RSRC1: variants seen among roughly 807,000 people sequenced by gnomAD.
RSRC1 encodes serine/Arginine-related protein 53.
In RSRC1, 39 loss-of-function variants were observed where a neutral mutation model predicts 49.1. The ratio of observed to expected loss-of-function variants is 0.79; its 90% CI spans 0.61 to 1.04. RSRC1 has a LOEUF of 1.04. RSRC1 is among the 50% of genes least tolerant of loss of function. The pLI, the probability that RSRC1 is intolerant of heterozygous loss-of-function variation, is 0.00. For missense variants in RSRC1, 388 were observed against 402.4 expected (o/e 0.96, Z 0.31); for synonymous variants, 143 against 130.8 (o/e 1.09, Z -0.63).
chr3:158,363,173 A>G (rs1365349997), intron 6 of RSRC1, among the ~76,000 whole-genome samples: 2 of 152,186 alleles, frequency 1.3e-5, no homozygotes, highest in Admixed American at 1.3e-4. Flanking sequence ...AAGTATTCTG[A>G]AAGCTTAAAT....
intron 2 of RSRC1, 21 bp downstream of exon 2, chr3:158,122,319 T>A (rs1715312318): frequency 6.8e-7 from 1 of 1,469,316 alleles, no homozygotes; most frequent in Non-Finnish European, 9.2e-7. Flanking sequence ...TAATTTTTAT[T>A]TATATAGTAA....
At chr3:158,356,080 A>C (rs756380714) in intron 6 of RSRC1, among the ~76,000 whole-genome samples, 4 of 152,020 alleles carry the variant, frequency 2.6e-5, no homozygotes, top group Non-Finnish European at 5.9e-5. Flanking sequence ...AATATCTTGT[A>C]CTGTAATCAC....
intron 4 of RSRC1, among the ~76,000 whole-genome samples, chr3:158,234,421 A>G (rs1724677): frequency 0.61 from 93,336 of 151,978 alleles, 29,035 homozygotes; most frequent in East Asian, 0.73. Context: ...TATATAAAAA[A>G]CATTATTTAG....
At chr3:158,244,945 G>A (rs1010384596) in intron 4 of RSRC1, among the ~76,000 whole-genome samples, 1 of 146,112 alleles carries the variant, frequency 6.8e-6, no homozygotes, top group African/African-American at 2.5e-5. Flanking sequence ...ATGGTTGGTT[G>A]TATCTATTTT....
intron 4 of RSRC1, among the ~76,000 whole-genome samples, chr3:158,293,976 T>C (rs1272032970): frequency 2.6e-5 from 4 of 152,106 alleles, no homozygotes; most frequent in South Asian, 2.1e-4. Context: ...CATTATAGTC[T>C]TAAATGTCCG....
intron 6 of RSRC1, among the ~76,000 whole-genome samples, chr3:158,355,175 A>G (rs1014758880): frequency 3.3e-5 from 5 of 151,856 alleles, no homozygotes; most frequent in Admixed American, 6.6e-5. Context: ...ATGAAGCCCA[A>G]TTGATTAATT....
chr3:158,124,677 C>T (rs1715501597), intron 3 of RSRC1, among the ~76,000 whole-genome samples: 1 of 152,082 alleles, frequency 6.6e-6, no homozygotes, highest in South Asian at 2.1e-4. Flanking sequence ...AATTTATCCA[C>T]TTTTTCTAGG....
intron 5 of RSRC1, among the ~76,000 whole-genome samples, chr3:158,352,770 G>T (rs1384750007): frequency 6.6e-6 from 1 of 152,152 alleles, no homozygotes; most frequent in Non-Finnish European, 1.5e-5. Context: ...TTGGTGCTGG[G>T]TGTCAGCTGC....
At chr3:158,472,372 A>G (rs1738174197) in intron 7 of RSRC1, among the ~76,000 whole-genome samples, 2 of 152,212 alleles carry the variant, frequency 1.3e-5, no homozygotes, top group Non-Finnish European at 2.9e-5. Flanking sequence ...AATACAAAAC[A>G]TACAAGAGGT....
At chr3:158,387,770 T>C (rs994359547) in intron 6 of RSRC1, among the ~76,000 whole-genome samples, 3 of 152,190 alleles carry the variant, frequency 2.0e-5, no homozygotes, top group African/African-American at 7.2e-5. Flanking sequence ...TTTTTCCTTC[T>C]TGTATCATTA....
Position 158,122,176 on chromosome 3 carries a change from C to T in RSRC1, c.72C>T (p.Ser24=). 1 of 1,598,584 alleles carries T rather than the reference C, an allele frequency of 6.3e-7. No homozygotes were observed. The highest frequency in any genetic ancestry group is 8.5e-7 in the Non-Finnish European group (1 of 1,171,786). Reference sequence around the variant, plus strand: ...GAAAAAAGAAACACCGTAGACGGTCCTCCTCGAGCAGTTCTTCAGATAGTA... The same window carrying T: ...GAAAAAAGAAACACCGTAGACGGTCTTCCTCGAGCAGTTCTTCAGATAGTA... ...SKRKKKHRRR[S]SSSSSSDSRT... Residue 24 remains serine, a synonymous_variant, in exon 2 of 10, where the codon TCC becomes TCT. Transcript: ENST00000611884.
chr3:158,210,965 C>T (rs189075419), intron 4 of RSRC1, among the ~76,000 whole-genome samples: 4 of 152,098 alleles, frequency 2.6e-5, no homozygotes, highest in Admixed American at 2.6e-4. Context: ...GATTGCTCGA[C>T]TGTGAAAGCT....
At chr3:158,224,287 G>A (rs987602243) in intron 4 of RSRC1, among the ~76,000 whole-genome samples, 1 of 151,784 alleles carries the variant, frequency 6.6e-6, no homozygotes, top group Non-Finnish European at 1.5e-5. Context: ...AAAATTTAAT[G>A]TAGAATATTT....
At chr3:158,322,895 T>G (rs1728844678) in intron 5 of RSRC1, among the ~76,000 whole-genome samples, 1 of 152,226 alleles carries the variant, frequency 6.6e-6, no homozygotes, top group Non-Finnish European at 1.5e-5. Context: ...GATCTGTTAA[T>G]GAGCTCATCT....
intron 7 of RSRC1, among the ~76,000 whole-genome samples, chr3:158,536,166 G>A (rs555495332): frequency 3.3e-5 from 5 of 151,514 alleles, no homozygotes; most frequent in South Asian, 2.1e-4. Flanking sequence ...ATGACACAGC[G>A]TCACCTATGA....
intron 6 of RSRC1, among the ~76,000 whole-genome samples, chr3:158,457,810 A>G (rs1479273392): frequency 6.6e-6 from 1 of 150,534 alleles, no homozygotes; most frequent in Non-Finnish European, 1.5e-5. Flanking sequence ...TGGCTCTTAC[A>G]GACTTTGGGA....
At chr3:158,263,775 C>G (rs942908226) in intron 4 of RSRC1, among the ~76,000 whole-genome samples, 3 of 152,194 alleles carry the variant, frequency 2.0e-5, no homozygotes, top group African/African-American at 7.2e-5. Flanking sequence ...TAGTTTGTGT[C>G]TTTCCAGGAG....
In RSRC1 at chr3:158,516,499, A is replaced by G. The variant is rs1217740012; in HGVS notation, c.653-20593A>G. Among the ~76,000 whole-genome samples the G allele has an allele frequency of 2.6e-5, 4 of 152,118 alleles. 1 individual carries two copies. Among genetic ancestry groups the G allele is most frequent in the African/African-American group, 9.7e-5 (4 of 41,426 alleles). ...GCTGGGAGAACCACTGCTCTCTTCA[A>G]AGCTGTCAGACAGGGACATTTAAGT... On this transcript the variant is annotated intron_variant, in intron 7 of 9. Transcript: ENST00000611884.
intron 4 of RSRC1, among the ~76,000 whole-genome samples, chr3:158,276,880 T>G (rs1725848788): frequency 6.6e-6 from 1 of 152,306 alleles, no homozygotes; most frequent in African/African-American, 2.4e-5. Context: ...AACACATCTC[T>G]TTTTGCCTCT....
Sources: allele counts gnomAD v4.1 joint callset (sites outside exome capture counted in the v4.1 genomes callset), GRCh38; gene constraint gnomAD v4.1.1; transcripts MANE v1.5; gene names NCBI Gene and HGNC (gene_info 2026-07-23, HGNC 2026-07-21).